Variants in STK31 observed in about 807,000 individuals in gnomAD.
STK31 encodes serine/threonine-protein kinase 31.
STK31 carries 89 observed loss-of-function variants against 129.7 expected under a neutral mutation model. That is an observed-to-expected ratio of 0.69 (90% CI 0.58 to 0.82). The LOEUF (loss-of-function observed/expected upper bound fraction) is 0.82, where lower values mean the gene tolerates loss of function less well. STK31 is among the 40% of genes least tolerant of loss of function. The pLI is 0.00. For missense variants in STK31, 1,187 were observed against 1,176.4 expected (o/e 1.01, Z -0.13); for synonymous variants, 448 against 395.3 (o/e 1.13, Z -1.58).
chr7:23,769,939 T>C (rs1241233890), intron 13 of STK31, among the ~76,000 whole-genome samples, 183 bp downstream of exon 13: 2 of 152,202 alleles, frequency 1.3e-5, no homozygotes, highest in African/African-American at 4.8e-5. Context: ...CCAGACACCA[T>C]GCAAAGTCTT....
At chr7:23,762,960 G>C (rs2193826) in intron 11 of STK31, 37 bp downstream of exon 11, 385,711 of 1,470,280 alleles carry the variant, frequency 0.26, 52,243 homozygotes, top group Middle Eastern at 0.29. Context: ...ACGTTAAATT[G>C]TAAGTTTATT....
chr7:23,750,078 C>G (rs868781169), intron 8 of STK31, among the ~76,000 whole-genome samples: 7 of 130,750 alleles, frequency 5.4e-5, no homozygotes, highest in East Asian at 2.3e-4. Flanking sequence ...CCCCCCCCGC[C>G]ACTGCTGGAA....
chr7:23,791,843 T>C (rs1791639842), intron 22 of STK31, among the ~76,000 whole-genome samples: 1 of 152,210 alleles, frequency 6.6e-6, no homozygotes, highest in East Asian at 1.9e-4. Flanking sequence ...GCATTTTCTG[T>C]AAAGGACCAG....
intron 22 of STK31, among the ~76,000 whole-genome samples, chr7:23,800,437 A>G (rs1211720546): frequency 2.0e-5 from 3 of 152,208 alleles, no homozygotes; most frequent in Non-Finnish European, 2.9e-5. Flanking sequence ...TTGCAGGGAC[A>G]TGGGTGAAGG....
intron 8 of STK31, among the ~76,000 whole-genome samples, chr7:23,742,281 A>G (rs1788095537): frequency 6.6e-6 from 1 of 152,218 alleles, no homozygotes; most frequent in Non-Finnish European, 1.5e-5. Context: ...AGTATGATCT[A>G]CTTATGTCTC....
chr7:23,733,547 G>A (rs1787550431), intron 6 of STK31, among the ~76,000 whole-genome samples: 1 of 152,020 alleles, frequency 6.6e-6, no homozygotes, highest in African/African-American at 2.4e-5. Flanking sequence ...GGTGTCTCAC[G>A]CCTGTAATCC....
intron 4 of STK31, chr7:23,722,054 A>C: frequency 6.0e-6 from 1 of 166,730 alleles, no homozygotes; most frequent in South Asian, 1.5e-4. Context: ...TGTTATTACC[A>C]ATCGTCTGAA....
In STK31 at chr7:23,828,064, C is replaced by A. The variant is rs535341259; in HGVS notation, c.2830-4072C>A. ...TCAGGGACCCACTTGAGGAGGCAGT[C>A]TGCCTGTTCTCAGATCTCCAGCTGT... On this transcript the variant is annotated intron_variant, in intron 23 of 23. Coordinates refer to ENST00000355870, the MANE Select transcript of STK31 (RefSeq NM_031414.5). Among the ~76,000 whole-genome samples, 7 of 152,328 alleles carry A rather than the reference C, an allele frequency of 4.6e-5. No individual in the cohort carries two copies. The East Asian group carries it at 1.2e-3, about 25-fold the overall frequency.
intron 10 of STK31, among the ~76,000 whole-genome samples, chr7:23,757,902 T>G (rs1230198914): frequency 6.6e-6 from 1 of 152,186 alleles, no homozygotes; most frequent in East Asian, 1.9e-4. Flanking sequence ...TTTGTGTCCG[T>G]GGGTACTTGA....
intron 11 of STK31, among the ~76,000 whole-genome samples, chr7:23,765,809 A>G (rs1010113146): frequency 6.6e-6 from 1 of 152,080 alleles, no homozygotes; most frequent in Admixed American, 6.6e-5. Context: ...AGCCTCCCAA[A>G]GTGTTGGGAT....
chr7:23,717,048 C>A (rs1786375231), intron 3 of STK31, among the ~76,000 whole-genome samples: 1 of 148,074 alleles, frequency 6.8e-6, no homozygotes, highest in South Asian at 2.1e-4. Flanking sequence ...ATCCTCCCAC[C>A]TCGGCCCTCC....
intron 6 of STK31, among the ~76,000 whole-genome samples, chr7:23,732,323 A>G (rs1014356023): frequency 3.3e-5 from 5 of 152,204 alleles, no homozygotes; most frequent in African/African-American, 1.2e-4. Flanking sequence ...ATATTTTTTA[A>G]GTGCAGGTAT....
intron 8 of STK31, among the ~76,000 whole-genome samples, chr7:23,737,663 C>G (rs1395538636): frequency 6.6e-6 from 1 of 152,182 alleles, no homozygotes; most frequent in African/African-American, 2.4e-5. Flanking sequence ...GTAGTTTTCT[C>G]CAATCAGGAT....
rs10264967 is a variant in STK31 at position 23,735,858 on chromosome 7, G to A, written c.804G>A (p.Lys268=). The A allele has an allele frequency of 1.2e-5, 19 of 1,591,114 alleles. No homozygotes were observed. The highest frequency in any genetic ancestry group is 1.6e-5 in the Non-Finnish European group (19 of 1,168,394). Reference sequence around the variant, plus strand: ...GTGAGAAAATGACTCTTGACTTGAAGGATGAAAATGATGCAGGCAATCTTA... The same window carrying A: ...GTGAGAAAATGACTCTTGACTTGAAAGATGAAAATGATGCAGGCAATCTTA... The part of the protein sequence containing the change: ...HLSEKMTLDL[K]DENDAGNLIT... Residue 268 remains lysine, a synonymous_variant, in exon 7 of 24, where the codon AAG becomes AAA. Transcript: ENST00000355870.
intron 23 of STK31, among the ~76,000 whole-genome samples, chr7:23,827,415 A>T (rs777228884): frequency 5.3e-5 from 8 of 151,520 alleles, no homozygotes; most frequent in Non-Finnish European, 8.8e-5. Flanking sequence ...TGCATTCGTC[A>T]TGTATTTCTC....
chr7:23,713,199 C>T (rs974005334), intron 3 of STK31, among the ~76,000 whole-genome samples: 1 of 152,130 alleles, frequency 6.6e-6, no homozygotes, highest in African/African-American at 2.4e-5. Flanking sequence ...TGTACCTGTA[C>T]CTCATGTTAC....
intron 14 of STK31, 160 bp downstream of exon 14, chr7:23,771,284 C>A: frequency 1.7e-6 from 1 of 584,168 alleles, no homozygotes; most frequent in Non-Finnish European, 2.6e-6. Flanking sequence ...ATAAATATAT[C>A]AAATTTTTTA....
chr7:23,750,067 T>TCCCTCCCCCCCCCC (rs1491409499), intron 8 of STK31, among the ~76,000 whole-genome samples: 1 of 90,556 alleles, frequency 1.1e-5, no homozygotes, highest in Non-Finnish European at 2.3e-5. Flanking sequence ...ATGGTTTGTT[T>TCCCTCCCCCCCCCC]CCCCCCCCGC....
intron 12 of STK31, 130 bp from the exon 13 acceptor site, chr7:23,769,510 T>G: frequency 1.6e-6 from 1 of 634,404 alleles, no homozygotes; most frequent in East Asian, 2.7e-5. Context: ...GTAGGCACTT[T>G]TTTTTCCTGC....
Sources: allele counts gnomAD v4.1 joint callset (sites outside exome capture counted in the v4.1 genomes callset), GRCh38; gene constraint gnomAD v4.1.1; transcripts MANE v1.5; gene names NCBI Gene and HGNC (gene_info 2026-07-23, HGNC 2026-07-21).